The following PTPRN2 variants were observed in gnomAD, a reference collection of about 807,000 sequenced individuals.
PTPRN2 encodes protein tyrosine phosphatase receptor type N2.
Under a neutral mutation model 118.8 loss-of-function variants are expected in PTPRN2, and 74 were observed. The ratio of observed to expected loss-of-function variants is 0.62; its 90% CI spans 0.52 to 0.76. PTPRN2 has a LOEUF of 0.76. PTPRN2 is among the 30% of genes least tolerant of loss of function. The pLI is 0.00. For synonymous variants in PTPRN2, 641 were observed against 608.0 expected, an observed-to-expected ratio of 1.05 and a Z score of -0.80; for missense variants, 1,481 against 1,394.4, an observed-to-expected ratio of 1.06 and a Z score of -0.99.
intron 12 of PTPRN2, among the ~76,000 whole-genome samples, chr7:157,802,021 C>A (rs1281556331): frequency 6.6e-6 from 1 of 152,198 alleles, no homozygotes; most frequent in Admixed American, 6.5e-5. Context: ...GCAGCTCCTT[C>A]GTCCACCGTG....
intron 9 of PTPRN2, among the ~76,000 whole-genome samples, chr7:158,118,094 T>C (rs190741579): frequency 3.9e-4 from 59 of 152,350 alleles, no homozygotes; most frequent in African/African-American, 1.4e-3. Context: ...CTAGTACATA[T>C]CTTAAAAACA....
intron 12 of PTPRN2, among the ~76,000 whole-genome samples, chr7:157,740,039 A>G (rs1800531286): frequency 6.6e-6 from 1 of 152,168 alleles, no homozygotes; most frequent in African/African-American, 2.4e-5. Context: ...ATTTTTTTAT[A>G]TCTACATGGG....
At chr7:157,982,501 A>G (rs1244989677) in intron 11 of PTPRN2, among the ~76,000 whole-genome samples, 3 of 106,668 alleles carry the variant, frequency 2.8e-5, no homozygotes, top group Admixed American at 9.4e-5. Context: ...TGCAGAGTGC[A>G]GGGTCCCCCC....
chr7:158,521,628 A>C (rs1201308081), intron 1 of PTPRN2, among the ~76,000 whole-genome samples: 1 of 112,220 alleles, frequency 8.9e-6, no homozygotes, highest in Non-Finnish European at 1.8e-5. Flanking sequence ...CTCAGGAGGG[A>C]GGTCCACGTC....
intron 6 of PTPRN2, among the ~76,000 whole-genome samples, chr7:158,146,578 A>G (rs1041334503): frequency 1.3e-5 from 2 of 151,606 alleles, no homozygotes; most frequent in Non-Finnish European, 1.5e-5. Flanking sequence ...AAAATTAGCC[A>G]GGCGTGGTGG....
At chr7:157,752,823 G>T (rs909637108) in intron 12 of PTPRN2, among the ~76,000 whole-genome samples, 10 of 152,260 alleles carry the variant, frequency 6.6e-5, no homozygotes, top group Non-Finnish European at 1.3e-4. Context: ...TCCATCTCAG[G>T]GATGGCGAGG....
intron 2 of PTPRN2, among the ~76,000 whole-genome samples, chr7:158,482,767 A>G (rs1348625427): frequency 3.3e-5 from 5 of 152,186 alleles, no homozygotes; most frequent in Non-Finnish European, 7.3e-5. Flanking sequence ...AAATGAGCCC[A>G]TTCACTAGTT....
chr7:157,922,494 G>C (rs1798741534), intron 11 of PTPRN2, among the ~76,000 whole-genome samples: 1 of 152,150 alleles, frequency 6.6e-6, no homozygotes, highest in Non-Finnish European at 1.5e-5. Context: ...ATGCAGAATT[G>C]GAATTGCATT....
At chr7:158,317,881 C>T (rs760257609) in intron 2 of PTPRN2, among the ~76,000 whole-genome samples, 1 of 152,214 alleles carries the variant, frequency 6.6e-6, no homozygotes, top group Non-Finnish European at 1.5e-5. Context: ...ATGCTCACGA[C>T]GACGGGGCCG....
intron 2 of PTPRN2, among the ~76,000 whole-genome samples, chr7:158,356,067 T>C (rs900623128): frequency 6.6e-6 from 1 of 152,198 alleles, no homozygotes; most frequent in African/African-American, 2.4e-5. Flanking sequence ...TTCACACACA[T>C]ATAAATCAAT....
At chr7:157,832,243 TA>T in intron 12 of PTPRN2, among the ~76,000 whole-genome samples, 1 of 152,290 alleles carries the variant, frequency 6.6e-6, no homozygotes, top group East Asian at 1.9e-4. Context: ...CTCTGTTTCA[TA>T]AACAGGAGGA....
chr7:157,877,836 G>A (rs964912769), intron 12 of PTPRN2, among the ~76,000 whole-genome samples: 2 of 152,162 alleles, frequency 1.3e-5, no homozygotes, highest in African/African-American at 2.4e-5. Context: ...CAAGCCCTTC[G>A]CCAAAATCAT....
chr7:157,932,128 G>C (rs1053223480), intron 11 of PTPRN2, among the ~76,000 whole-genome samples: 8 of 152,252 alleles, frequency 5.3e-5, no homozygotes, highest in African/African-American at 1.9e-4. Context: ...CTATTTGAGA[G>C]AAACTTATGG....
chr7:158,213,207 TGTGTGTG>T (rs1189970008), intron 3 of PTPRN2, among the ~76,000 whole-genome samples: 1 of 4,814 alleles, frequency 2.1e-4, no homozygotes, highest in Non-Finnish European at 3.2e-4. Flanking sequence ...GCTCTGTGCT[TGTGTGTG>T]TGTGTGTGTG....
At chr7:157,982,695 G>A (rs1472666085) in intron 11 of PTPRN2, among the ~76,000 whole-genome samples, 2 of 143,750 alleles carry the variant, frequency 1.4e-5, no homozygotes, top group East Asian at 2.1e-4. Context: ...AGATGGAGGG[G>A]AATGCAGAGT....
At chr7:158,204,665 C>T (rs1237697305) in intron 4 of PTPRN2, among the ~76,000 whole-genome samples, 1 of 152,194 alleles carries the variant, frequency 6.6e-6, no homozygotes, top group African/African-American at 2.4e-5. Flanking sequence ...TTTCAAGAAT[C>T]GGTATGACAT....
At chr7:158,206,657 T>C (rs368925874) in intron 3 of PTPRN2, among the ~76,000 whole-genome samples, 2 of 152,044 alleles carry the variant, frequency 1.3e-5, no homozygotes, top group East Asian at 1.9e-4. Context: ...TTCTTCTAGA[T>C]TGTATCCAAG....
rs1328230678 is a variant in PTPRN2, at chr7:157,696,696, G to A, written c.1789-13759C>T. Among the ~76,000 whole-genome samples the A allele has an allele frequency of 4.0e-3, 373 of 93,774 alleles. 1 individual carries two copies. Among genetic ancestry groups the A allele is most frequent in the African/African-American group, 0.013 (310 of 24,296 alleles). The allele number at this position is 93,774 out of a possible 152,430, so 61.5% of individuals were successfully genotyped here. A position where few individuals can be genotyped will look rare whatever the true frequency, so the allele number is the denominator to read the frequency against. ...ACTGGATCTTGGCAGAGCCCTCACC[G>A]TCTACCCATGCATACTGGGTCTTAG... On this transcript the variant is annotated intron_variant, in intron 12 of 22. Transcript: ENST00000389418.
rs542722180 is a variant in PTPRN2, at chr7:158,146,877, C to G, written c.911-8362G>C. Among the ~76,000 whole-genome samples, 6 of 151,896 alleles carry G rather than the reference C, an allele frequency of 4.0e-5. 1 individual carries two copies. The highest frequency in any genetic ancestry group is 1.2e-4 in the African/African-American group (5 of 41,284). ...ATGGATAGAACAAGCAAACAGTTTA[C>G]AGGGAAAATACACCATTAAGATCCT... is the stretch of plus-strand genomic sequence containing the variant. On this transcript the variant is annotated intron_variant, in intron 6 of 22. Coordinates refer to ENST00000389418, the MANE Select transcript of PTPRN2 (RefSeq NM_002847.5).
Sources: allele counts gnomAD v4.1 joint callset (sites outside exome capture counted in the v4.1 genomes callset), GRCh38; gene constraint gnomAD v4.1.1; transcripts MANE v1.5; gene names NCBI Gene and HGNC (gene_info 2026-07-23, HGNC 2026-07-21).